SEC23A: variants seen among roughly 807,000 people sequenced by gnomAD.
SEC23A encodes protein transport protein Sec23A.
SEC23A carries 56 observed loss-of-function variants against 103.7 expected under a neutral mutation model. The ratio of observed to expected loss-of-function variants is 0.54; its 90% CI spans 0.44 to 0.67. The LOEUF (loss-of-function observed/expected upper bound fraction) is 0.67. Among genes scored for constraint, SEC23A ranks in the 30% least tolerant of loss-of-function variants. SEC23A has a pLI of 0.00. For synonymous variants in SEC23A, 281 were observed against 293.0 expected (o/e 0.96, Z 0.42); for missense variants, 784 against 936.4 (o/e 0.84, Z 2.12).
chr14:39,039,214 ATTAAC>A, intron 18 of SEC23A, 118 bp from the exon 19 acceptor site: 2 of 815,452 alleles, frequency 2.5e-6, no homozygotes, highest in Middle Eastern at 3.5e-4. Context: ...AATTAATTTT[ATTAAC>A]TTAATTTTTA....
rs1010960359 is a variant in SEC23A, at chr14:39,045,237, G to A, written c.1825C>T (p.Arg609Cys). The A allele has an allele frequency of 8.1e-6, 13 of 1,612,748 alleles. No individual in the cohort carries two copies. Among genetic ancestry groups the A allele is most frequent in the Middle Eastern group, 1.7e-4 (1 of 6,056 alleles). Reference sequence around the variant, plus strand: ...ATTAGAGACTGGGTCAGATCTTGACGCATAAAATGGTGACGATAATATGAA... The same window carrying A: ...ATTAGAGACTGGGTCAGATCTTGACACATAAAATGGTGACGATAATATGAA... ...ESSYYRHHFM[R>C]QDLTQSLIMI... Residue 609 changes from arginine (R) to cysteine (C), a missense_variant, in exon 16 of 20, where the codon CGT (arginine) becomes TGT (cysteine). Arg to Cys is a radical substitution (Grantham distance 180). Transcript: ENST00000307712.
At chr14:39,083,563 C>CTTTTTTCTTTT (rs1887308491) in intron 7 of SEC23A, among the ~76,000 whole-genome samples, 2 of 91,818 alleles carry the variant, frequency 2.2e-5, no homozygotes, top group East Asian at 4.3e-4. Context: ...AATAAACTTT[C>CTTTTTTCTTTT]TTTTTTTTTT....
At chr14:39,085,637 G>C (rs1230064563) in intron 7 of SEC23A, 125 bp downstream of exon 7, 2 of 1,130,004 alleles carry the variant, frequency 1.8e-6, no homozygotes, top group Non-Finnish European at 2.6e-6. Context: ...CTGAGTGAGA[G>C]AATAGGGAGG....
At chr14:39,036,312 C>T (rs1050600442) in intron 19 of SEC23A, among the ~76,000 whole-genome samples, 7 of 109,078 alleles carry the variant, frequency 6.4e-5, no homozygotes, top group East Asian at 2.7e-4. Flanking sequence ...CAGAGCAAGA[C>T]TCCGTCTCAA....
Position 39,045,165 on chromosome 14 carries a change from C to G in SEC23A, c.1897G>C (p.Glu633Gln). The G allele has an allele frequency of 6.2e-7, 1 of 1,613,392 alleles. No homozygotes were observed. Among genetic ancestry groups the G allele is most frequent in the Non-Finnish European group, 8.5e-7 (1 of 1,179,632 alleles). Residue 633 changes from glutamate (E) to glutamine (Q), a missense_variant and splice_region_variant, in exon 16 of 20, where the codon GAG (glutamate) becomes CAG (glutamine). Physicochemically the swap from Glu to Gln is conservative, Grantham distance 29. This residue lies in a region of SEC23A where 683 missense variants were observed against 774.2 expected (regional missense o/e 0.88). Coordinates refer to ENST00000307712, the MANE Select transcript of SEC23A (RefSeq NM_006364.4). ...TTATTTTTTTCTGTCCCTCTTACCT[C>G]TGGTGGTCCACTAAAAGAATACGCA... ...LYAYSFSGPP[E>Q]PVLLDSSSIL...
At chr14:39,097,944 C>T (rs1300209550) in intron 1 of SEC23A, among the ~76,000 whole-genome samples, 3 of 152,068 alleles carry the variant, frequency 2.0e-5, no homozygotes, top group East Asian at 1.9e-4. Context: ...AAAAAATTAG[C>T]TGGGCAGGGT....
chr14:39,065,119 C>T (rs1886614223), intron 10 of SEC23A, 126 bp from the exon 11 acceptor site: 1 of 715,658 alleles, frequency 1.4e-6, no homozygotes, highest in Non-Finnish European at 2.5e-6. Flanking sequence ...AATATACTAA[C>T]ATGAAAAATA....
In SEC23A at chr14:39,064,908, C is replaced by T. The variant is rs1235573841; in HGVS notation, c.1308+5G>A. 3.1e-6 allele frequency: 5 copies of T among 1,599,510 alleles called. No individual in the cohort carries two copies. Among genetic ancestry groups the T allele is most frequent in the Non-Finnish European group, 4.3e-6 (5 of 1,166,920 alleles). On this transcript the variant is annotated splice_donor_5th_base_variant and intron_variant, in intron 11 of 19. Coordinates refer to ENST00000307712, the MANE Select transcript of SEC23A (RefSeq NM_006364.4). ...TATTTTCTTTTTAGAATAAACACAA[C>T]TTACATTTTCAGACACACAGGGTCC... is the stretch of plus-strand genomic sequence containing the variant.
intron 1 of SEC23A, among the ~76,000 whole-genome samples, chr14:39,099,868 C>A (rs766588652): frequency 6.7e-6 from 1 of 148,956 alleles, no homozygotes; most frequent in Non-Finnish European, 1.5e-5. Context: ...TCTATTTAGC[C>A]TTTTTTTTTT....
intron 2 of SEC23A, among the ~76,000 whole-genome samples, chr14:39,094,430 ATATATATATATATTTTTTTT>A (rs1358229862): frequency 0.015 from 594 of 39,218 alleles, 84 homozygotes; most frequent in Middle Eastern, 0.033. Context: ...ATATATATAT[ATATATATATATATTTTTTTT>A]TTTTTTTTTT....
Position 39,076,039 on chromosome 14 carries a change from T to G in SEC23A, c.883A>C (p.Thr295Pro). ...CCAACCACCATTCCAGGCCCCTGAG[T>G]AGCAGGACCACCAATGAACATCATG... ...RIMMFIGGPATQGPGMVVGDE... is the reference protein window; with the variant it reads ...RIMMFIGGPAPQGPGMVVGDE... Residue 295 changes from threonine (T) to proline (P), a missense_variant, in exon 8 of 20, where the codon ACT becomes CCT. Physicochemically the swap from Thr to Pro is conservative, Grantham distance 38. Transcript: ENST00000307712. The G allele has an allele frequency of 6.2e-7, 1 of 1,613,864 alleles. No individual in the cohort carries two copies. Among genetic ancestry groups the G allele is most frequent in the Non-Finnish European group, 8.5e-7 (1 of 1,179,902 alleles).
At chr14:39,095,003 G>A (rs559070401) in intron 2 of SEC23A, 3 of 700,530 alleles carry the variant, frequency 4.3e-6, no homozygotes, top group Admixed American at 2.0e-5. Flanking sequence ...TAGCTTCTGG[G>A]TAGAGAACAG....
Position 39,058,903 on chromosome 14 carries a change from G to A in SEC23A, c.1505+2862C>T, listed in dbSNP as rs1007987221. 4.6e-5 allele frequency among the ~76,000 whole-genome samples: 7 copies of A among 152,050 alleles called. No individual in the cohort carries two copies. The East Asian group carries it at 5.8e-4, about 13-fold the overall frequency. ...TCAATACTTTCTAAACTTGAATGACGGTATTTATTTGCTTTAAACTGAACT... is the reference window on the plus strand; with the variant it reads ...TCAATACTTTCTAAACTTGAATGACAGTATTTATTTGCTTTAAACTGAACT... On this transcript the variant is annotated intron_variant, in intron 13 of 19. Coordinates refer to ENST00000307712, the MANE Select transcript of SEC23A (RefSeq NM_006364.4).
chr14:39,072,095 G>T (rs1387108583), intron 9 of SEC23A, among the ~76,000 whole-genome samples: 1 of 151,866 alleles, frequency 6.6e-6, no homozygotes. Context: ...AGTCGGGTGT[G>T]GTGGTGCACA....
chr14:39,098,291 G>C (rs908869381), intron 1 of SEC23A, among the ~76,000 whole-genome samples: 1 of 151,912 alleles, frequency 6.6e-6, no homozygotes, highest in African/African-American at 2.4e-5. Flanking sequence ...GTGAGGGGGA[G>C]ATTAGAAATC....
chr14:39,049,678 T>G (rs1885979793), intron 14 of SEC23A, among the ~76,000 whole-genome samples: 1 of 151,638 alleles, frequency 6.6e-6, no homozygotes, highest in African/African-American at 2.4e-5. Context: ...CTCGAGAGGC[T>G]ATGGTAGGAG....
intron 1 of SEC23A, among the ~76,000 whole-genome samples, chr14:39,097,953 G>A (rs1594490721): frequency 6.6e-6 from 1 of 152,076 alleles, no homozygotes. Context: ...GCTGGGCAGG[G>A]TGGCATGCAC....
intron 1 of SEC23A, among the ~76,000 whole-genome samples, chr14:39,099,720 T>C (rs569177983): frequency 2.6e-5 from 4 of 152,306 alleles, no homozygotes; most frequent in Admixed American, 6.5e-5. Flanking sequence ...GGTAACAAAG[T>C]ACAAAAAGGT....
rs1297679084 is a variant in SEC23A, at chr14:39,040,871, C to T, written c.2003G>A (p.Arg668Gln). The T allele has an allele frequency of 5.6e-6, 9 of 1,613,818 alleles. No individual in the cohort carries two copies. Among genetic ancestry groups the T allele is most frequent in the East Asian group, 2.2e-5 (1 of 44,876 alleles). The change falls in exon 18 of 20, where the codon CGG (arginine) becomes CAG (glutamine). Residue 668 changes from arginine (R) to glutamine (Q), a missense_variant. Arg to Gln is a conservative substitution (Grantham distance 43). This residue lies in a region of SEC23A where 101 missense variants were observed against 162.2 expected (regional missense o/e 0.62). Coordinates refer to ENST00000307712, the MANE Select transcript of SEC23A (RefSeq NM_006364.4). Reference protein sequence around the residue: ...IYHGETIAQWRKSGYQDMPEY... With the variant: ...IYHGETIAQWQKSGYQDMPEY... ...AGGCATATCCTGGTATCCTGACTTCCGCCACTGTGCTATGGTCTAATTTTA... is the reference window on the plus strand; with the variant it reads ...AGGCATATCCTGGTATCCTGACTTCTGCCACTGTGCTATGGTCTAATTTTA...
Sources: gnomAD v4.1 joint callset for allele counts (sites outside exome capture counted in the v4.1 genomes callset) on GRCh38, gnomAD v4.1.1 for gene constraint, gnomAD v4.1.1 regional missense constraint, MANE v1.5 for transcripts, NCBI Gene and HGNC (gene_info 2026-07-23, HGNC 2026-07-21) for gene names.